Variants in NBAS observed in about 807,000 individuals in gnomAD.
NBAS encodes NAG/BC035112 fusion.
A neutral mutation model predicts 302.5 loss-of-function variants in NBAS; 219 were observed. The ratio of observed to expected loss-of-function variants is 0.72; its 90% CI spans 0.65 to 0.81. NBAS has a LOEUF of 0.81. NBAS is among the 30% of genes least tolerant of loss of function. NBAS has a pLI of 0.00. For missense variants in NBAS, 2,932 were observed against 2,841.6 expected, an observed-to-expected ratio of 1.03 and a Z score of -0.72; for synonymous variants, 1,118 against 1,021.6, an observed-to-expected ratio of 1.09 and a Z score of -1.80.
intron 48 of NBAS, among the ~76,000 whole-genome samples, chr2:15,215,964 T>C (rs1034728699): frequency 6.6e-6 from 1 of 152,230 alleles, no homozygotes; most frequent in African/African-American, 2.4e-5. Flanking sequence ...TTTTGTAACA[T>C]TCCAGAAGTT....
In NBAS at chr2:15,353,588, G is replaced by T. The variant is rs770463491; in HGVS notation, c.4054C>A (p.Leu1352Ile). ...AGAGAGCTGCTAGCTGCCAAAAGAA[G>T]TTCAATGCTGCTAGGAGGGCAATGT... ...LTHCPPSSIE[L>I]LLAASSSLQT... Residue 1352 changes from leucine (L) to isoleucine (I), a missense_variant, in exon 34 of 52, where the codon CTT becomes ATT. Physicochemically the swap from Leu to Ile is conservative, Grantham distance 5 (BLOSUM62 2). Coordinates refer to ENST00000281513, the MANE Select transcript of NBAS (RefSeq NM_015909.4). 1 of 1,613,922 alleles carries T rather than the reference G, an allele frequency of 6.2e-7. No individual in the cohort carries two copies. The highest frequency in any genetic ancestry group is 1.3e-5 in the African/African-American group (1 of 74,920).
At chr2:15,031,405 G>T in the NBAS span, among the ~76,000 whole-genome samples, 1 of 152,148 alleles carries the variant, frequency 6.6e-6, no homozygotes, top group African/African-American at 2.4e-5. Context: ...CATTCTTTGT[G>T]GCAGTTACAC....
the NBAS span, among the ~76,000 whole-genome samples, chr2:15,061,068 G>A: frequency 6.6e-6 from 1 of 152,222 alleles, no homozygotes; most frequent in African/African-American, 2.4e-5. Flanking sequence ...GCTTCTGAGA[G>A]AGGCTGGAAA....
chr2:15,212,404 A>G (rs916500432), intron 48 of NBAS, among the ~76,000 whole-genome samples: 2 of 151,854 alleles, frequency 1.3e-5, no homozygotes, highest in Non-Finnish European at 2.9e-5. Flanking sequence ...GCTTCCTTCC[A>G]CTTTCTTCTT....
intron 6 of NBAS, among the ~76,000 whole-genome samples, chr2:15,539,881 C>T (rs2148690327): frequency 6.6e-6 from 1 of 152,188 alleles, no homozygotes; most frequent in South Asian, 2.1e-4. Context: ...CACTCACACA[C>T]ATATACATAC....
At chr2:15,029,568 C>A in the NBAS span, among the ~76,000 whole-genome samples, 2 of 152,160 alleles carry the variant, frequency 1.3e-5, no homozygotes, top group Non-Finnish European at 2.9e-5. Flanking sequence ...TACGGGGCCT[C>A]GGAAGAACAC....
the NBAS span, among the ~76,000 whole-genome samples, chr2:15,064,667 T>C: frequency 2.0e-5 from 3 of 152,304 alleles, no homozygotes; most frequent in African/African-American, 7.2e-5. Context: ...TCAATTCTTC[T>C]TAAATTATTC....
intron 9 of NBAS, among the ~76,000 whole-genome samples, chr2:15,527,654 G>A (rs2287279): frequency 0.64 from 97,033 of 151,434 alleles, 31,786 homozygotes; most frequent in Non-Finnish European, 0.68. Context: ...AAGCCCTCAT[G>A]TCTTAATGCC....
chr2:14,963,097 C>T, the NBAS span, among the ~76,000 whole-genome samples: 27 of 152,066 alleles, frequency 1.8e-4, 1 homozygote, highest in African/African-American at 6.3e-4. Context: ...GGTGAAACTC[C>T]GTCTCTACTA....
At chr2:15,432,895 A>G (rs1391651275) in intron 21 of NBAS, among the ~76,000 whole-genome samples, 2 of 152,202 alleles carry the variant, frequency 1.3e-5, no homozygotes, top group African/African-American at 4.8e-5. Flanking sequence ...TTCTGGACCA[A>G]TGGGATTCAA....
chr2:15,238,724 T>A, intron 44 of NBAS, 38 bp from the exon 45 acceptor site: 1 of 1,547,676 alleles, frequency 6.5e-7, no homozygotes, highest in Non-Finnish European at 8.8e-7. Flanking sequence ...GAACCCTGCA[T>A]TATTACCTAT....
the NBAS span, among the ~76,000 whole-genome samples, chr2:15,095,628 T>C: frequency 1.3e-5 from 2 of 152,216 alleles, no homozygotes; most frequent in African/African-American, 4.8e-5. Context: ...TGTGATTTTC[T>C]GGGTGCTCTT....
chr2:15,044,447 T>C, the NBAS span, among the ~76,000 whole-genome samples: 1 of 152,224 alleles, frequency 6.6e-6, no homozygotes, highest in Non-Finnish European at 1.5e-5. Context: ...ATGAGGTTTT[T>C]CATAAGATAG....
chr2:14,979,751 T>G, the NBAS span, among the ~76,000 whole-genome samples: 2 of 152,180 alleles, frequency 1.3e-5, no homozygotes, highest in African/African-American at 4.8e-5. Flanking sequence ...AAAAAAAAAG[T>G]TTTACAATAA....
intron 16 of NBAS, among the ~76,000 whole-genome samples, chr2:15,471,244 G>A (rs1327879197): frequency 6.6e-6 from 1 of 151,998 alleles, no homozygotes; most frequent in Admixed American, 6.6e-5. Flanking sequence ...AAATAATACA[G>A]AATTAGTGTT....
the NBAS span, among the ~76,000 whole-genome samples, chr2:15,146,450 CAA>C: frequency 6.6e-6 from 1 of 152,010 alleles, no homozygotes; most frequent in African/African-American, 2.4e-5. Context: ...CTGATAAAGG[CAA>C]TTTTAAAAGA....
intron 8 of NBAS, among the ~76,000 whole-genome samples, chr2:15,534,846 A>C (rs758813523): frequency 1.3e-5 from 2 of 152,180 alleles, no homozygotes; most frequent in Non-Finnish European, 2.9e-5. Context: ...ATAAAAATAA[A>C]CTATGTCTCC....
intron 25 of NBAS, among the ~76,000 whole-genome samples, chr2:15,404,515 T>TC (rs1676313121): frequency 6.6e-6 from 1 of 151,938 alleles, no homozygotes; most frequent in Non-Finnish European, 1.5e-5. Flanking sequence ...TTTTTTAATT[T>TC]TTTTTTTTTT....
At chr2:15,437,158 C>A (rs150334546) in intron 21 of NBAS, among the ~76,000 whole-genome samples, 1 of 152,082 alleles carries the variant, frequency 6.6e-6, no homozygotes, top group Non-Finnish European at 1.5e-5. Context: ...GGTGACTCTT[C>A]GCCTGTGTAT....
Sources: allele counts gnomAD v4.1 joint callset (sites outside exome capture counted in the v4.1 genomes callset), GRCh38; gene constraint gnomAD v4.1.1; transcripts MANE v1.5; gene names NCBI Gene and HGNC (gene_info 2026-07-23, HGNC 2026-07-21).